PARD3B: variants seen among roughly 807,000 people sequenced by gnomAD.
PARD3B encodes par-3 family cell polarity regulator beta.
PARD3B carries 103 observed loss-of-function variants against 130.2 expected under a neutral mutation model. The observed-to-expected ratio is 0.79, with a 90% confidence interval of 0.67 to 0.93. The LOEUF is 0.93. PARD3B is among the 40% of genes least tolerant of loss of function. The pLI is 0.00. For synonymous variants in PARD3B, 583 were observed against 553.2 expected (o/e 1.05, Z -0.76); for missense variants, 1,609 against 1,499.2 (o/e 1.07, Z -1.21).
chr2:205,402,213 G>A (rs1259718473), intron 19 of PARD3B, among the ~76,000 whole-genome samples: 1 of 152,138 alleles, frequency 6.6e-6, no homozygotes, highest in Non-Finnish European at 1.5e-5. Flanking sequence ...AAGGTCACTG[G>A]AGCAGTTAAA....
At chr2:205,364,281 C>T (rs1235355048) in intron 18 of PARD3B, among the ~76,000 whole-genome samples, 1 of 152,146 alleles carries the variant, frequency 6.6e-6, no homozygotes, top group East Asian at 1.9e-4. Context: ...TATGCACTTC[C>T]TAGAGAACCA....
chr2:204,960,887 T>G (rs894127132), intron 2 of PARD3B, among the ~76,000 whole-genome samples: 2 of 152,050 alleles, frequency 1.3e-5, no homozygotes, highest in African/African-American at 2.4e-5. Flanking sequence ...GATGCTGCAA[T>G]TTAGTGTAGC....
chr2:204,702,855 C>A (rs1016302040), intron 2 of PARD3B, among the ~76,000 whole-genome samples: 1 of 152,106 alleles, frequency 6.6e-6, no homozygotes, highest in African/African-American at 2.4e-5. Flanking sequence ...GGATTACAGG[C>A]GTGAGCCACC....
intron 1 of PARD3B, among the ~76,000 whole-genome samples, chr2:204,661,810 T>G (rs2035819646): frequency 1.3e-5 from 2 of 152,310 alleles, no homozygotes; most frequent in Non-Finnish European, 2.9e-5. Flanking sequence ...TTTTCACAGA[T>G]TTCTTTAGTG....
intron 4 of PARD3B, among the ~76,000 whole-genome samples, chr2:205,103,358 AT>A (rs35718241): frequency 0.013 from 264 of 19,840 alleles, 12 homozygotes; most frequent in South Asian, 0.018. Flanking sequence ...AAATAAATAT[AT>A]TTTTTATTTA....
At chr2:205,134,160 A>G (rs1005637127) in intron 10 of PARD3B, among the ~76,000 whole-genome samples, 4 of 152,186 alleles carry the variant, frequency 2.6e-5, no homozygotes, top group Admixed American at 6.5e-5. Flanking sequence ...CTTAGTTTCC[A>G]TTTATCTCAT....
intron 22 of PARD3B, among the ~76,000 whole-genome samples, chr2:205,598,048 A>G (rs2054634090): frequency 6.6e-6 from 1 of 152,200 alleles, no homozygotes; most frequent in South Asian, 2.1e-4. Flanking sequence ...TAAAGCAACT[A>G]CACAATCAAG....
intron 16 of PARD3B, among the ~76,000 whole-genome samples, chr2:205,273,368 C>T (rs1465288778): frequency 6.6e-6 from 1 of 152,216 alleles, no homozygotes; most frequent in Non-Finnish European, 1.5e-5. Flanking sequence ...GTTATACTTA[C>T]TGTGAATTCC....
At chr2:205,411,133 G>A (rs904097111) in intron 19 of PARD3B, among the ~76,000 whole-genome samples, 3 of 152,096 alleles carry the variant, frequency 2.0e-5, no homozygotes, top group African/African-American at 7.2e-5. Flanking sequence ...TAGAACTCAA[G>A]CATCTTTCTC....
chr2:204,677,841 G>T lies in PARD3B; in HGVS notation c.121-8340G>T, dbSNP rs1417798989. Among the ~76,000 whole-genome samples, 1 of 151,976 alleles carries T rather than the reference G, an allele frequency of 6.6e-6. No individual in the cohort carries two copies. The highest frequency in any genetic ancestry group is 1.5e-5 in the Non-Finnish European group (1 of 67,962). ...GATAACCTGGCCTTCCCATCTTCTG[G>T]GACTTCTACACTCCTTTTGTTTTAG... On this transcript the variant is annotated intron_variant, in intron 1 of 22. Transcript: ENST00000406610. The surrounding 1 kb of genome is among the most constrained non-coding windows in gnomAD (Gnocchi z 4.1).
At chr2:204,709,649 T>TGTTC (rs2038341936) in intron 2 of PARD3B, among the ~76,000 whole-genome samples, 1 of 152,156 alleles carries the variant, frequency 6.6e-6, no homozygotes, top group African/African-American at 2.4e-5. Flanking sequence ...ACGTTTGATG[T>TGTTC]GTTCAGTTGG....
At chr2:205,376,332 A>G (rs549783283) in intron 18 of PARD3B, among the ~76,000 whole-genome samples, 2 of 152,252 alleles carry the variant, frequency 1.3e-5, no homozygotes, top group East Asian at 3.9e-4. Flanking sequence ...TTGAGGAAAC[A>G]GTGAAAACAA....
At chr2:204,682,545 C>A (rs1020681261) in intron 1 of PARD3B, among the ~76,000 whole-genome samples, 4 of 152,134 alleles carry the variant, frequency 2.6e-5, no homozygotes, top group African/African-American at 9.7e-5. Context: ...TTCCATTTGA[C>A]CATTGCTGTT....
intron 20 of PARD3B, among the ~76,000 whole-genome samples, chr2:205,444,815 A>T (rs1300048118): frequency 6.6e-6 from 1 of 152,246 alleles, no homozygotes; most frequent in Non-Finnish European, 1.5e-5. Context: ...GATGTTTAGC[A>T]GATATCACAG....
chr2:205,068,835 T>G (rs1039497512), intron 4 of PARD3B, among the ~76,000 whole-genome samples: 6 of 152,284 alleles, frequency 3.9e-5, no homozygotes, highest in African/African-American at 1.4e-4. Context: ...CATATGACTC[T>G]GTACCCATTG....
chr2:204,672,952 A>G (rs1028279128), intron 1 of PARD3B, among the ~76,000 whole-genome samples: 5 of 152,366 alleles, frequency 3.3e-5, no homozygotes, highest in African/African-American at 1.2e-4. Flanking sequence ...GGAATGTAAG[A>G]GTCTGTTGTC....
intron 2 of PARD3B, among the ~76,000 whole-genome samples, chr2:204,909,551 A>G (rs182642023): frequency 1.3e-5 from 2 of 152,184 alleles, no homozygotes; most frequent in Admixed American, 1.3e-4. Context: ...GATTTGTGTG[A>G]AAGTTTTCCT....
chr2:204,994,620 A>G (rs187355677), intron 3 of PARD3B, among the ~76,000 whole-genome samples: 1 of 151,820 alleles, frequency 6.6e-6, no homozygotes, highest in Admixed American at 6.6e-5. Flanking sequence ...GCTGAGTTCA[A>G]TTCCTGGGTA....
In PARD3B at chr2:204,852,905, GTT is replaced by G. The variant is rs201768580; in HGVS notation, c.223-112246_223-112245del. On this transcript the variant is annotated intron_variant, in intron 2 of 22. Coordinates refer to ENST00000406610, the MANE Select transcript of PARD3B (RefSeq NM_001302769.2). Reference sequence around the variant, plus strand: ...ATCTCATTTGTCTTGATAATAAAAAGTTAACATTTTTGAAGTTCTTTCAGGTC... The same window carrying G: ...ATCTCATTTGTCTTGATAATAAAAAGAACATTTTTGAAGTTCTTTCAGGTC... Among the ~76,000 whole-genome samples the G allele has an allele frequency of 8.1e-4, 123 of 152,118 alleles. 2 individuals are homozygous for G. In the East Asian group the frequency reaches 0.022, roughly 27 times the overall value.
Sources: allele counts gnomAD v4.1 joint callset (sites outside exome capture counted in the v4.1 genomes callset), GRCh38; gene constraint gnomAD v4.1.1; non-coding constraint Gnocchi (gnomAD v3.1); transcripts MANE v1.5; gene names NCBI Gene and HGNC (gene_info 2026-07-23, HGNC 2026-07-21).